The following MAF variants were observed in gnomAD, a reference collection of about 807,000 sequenced individuals.
MAF encodes the protein transcription factor Maf.
MAF carries 10 observed loss-of-function variants against 22.0 expected under a neutral mutation model. The ratio of observed to expected loss-of-function variants is 0.45; its 90% CI spans 0.28 to 0.77. The LOEUF (loss-of-function observed/expected upper bound fraction) is 0.77. Ranked by LOEUF, MAF falls within the 30% of genes least tolerant of loss-of-function variation. The probability of loss-of-function intolerance (pLI) is 0.12; values close to 1 mark genes in which losing one functional copy is unlikely to be tolerated. For synonymous variants in MAF, 337 were observed against 255.8 expected (o/e 1.32, Z -3.03); for missense variants, 544 against 548.4 (o/e 0.99, Z 0.08).
the MAF span, among the ~76,000 whole-genome samples, chr16:79,545,373 A>C: frequency 6.6e-6 from 1 of 152,156 alleles, no homozygotes; most frequent in Non-Finnish European, 1.5e-5. Flanking sequence ...CGACAATGCA[A>C]GGTTCCTTGT....
At chr16:79,502,712 T>TAAATATATATATATATAAATATAA in the MAF span, among the ~76,000 whole-genome samples, 1 of 31,124 alleles carries the variant, frequency 3.2e-5, no homozygotes, top group African/African-American at 1.4e-4. Flanking sequence ...AATATAAATA[T>TAAATATATATATATATAAATATAA]ATATATATAT....
the MAF span, among the ~76,000 whole-genome samples, chr16:79,321,048 A>T: frequency 6.6e-6 from 1 of 152,178 alleles, no homozygotes; most frequent in African/African-American, 2.4e-5. Flanking sequence ...TTGCTCACTC[A>T]CACACTTGGT....
chr16:79,207,105 G>A, the MAF span, among the ~76,000 whole-genome samples: 5 of 152,328 alleles, frequency 3.3e-5, no homozygotes, highest in South Asian at 6.2e-4. Flanking sequence ...AAGACAGGGC[G>A]TGTAGACGGC....
chr16:79,395,883 C>T, the MAF span, among the ~76,000 whole-genome samples: 22 of 152,094 alleles, frequency 1.4e-4, 1 homozygote, highest in Middle Eastern at 3.4e-3. Flanking sequence ...AGAGAACTGG[C>T]GAGACAGGCA....
chr16:79,204,000 C>T, the MAF span: 1 of 152,012 alleles, frequency 6.6e-6, no homozygotes, highest in East Asian at 1.9e-4. Flanking sequence ...TCAAGGTGGC[C>T]CAGTTGGAAA....
At chr16:79,212,110 CTTTTACTGTTATAGAATA>C in the MAF span, 14 of 1,535,676 alleles carry the variant, frequency 9.1e-6, 1 homozygote, top group South Asian at 1.7e-4. Flanking sequence ...AATTCTCTTT[CTTTTACTGTTATAGAATA>C]GCCTGAGGTC....
the MAF span, among the ~76,000 whole-genome samples, chr16:79,329,588 C>G: frequency 6.6e-6 from 1 of 152,094 alleles, no homozygotes; most frequent in Non-Finnish European, 1.5e-5. Flanking sequence ...AAGACATTAT[C>G]CAGAAATATG....
At chr16:79,333,523 G>T in the MAF span, among the ~76,000 whole-genome samples, 2 of 152,170 alleles carry the variant, frequency 1.3e-5, no homozygotes, top group Admixed American at 1.3e-4. Context: ...ACCCCAGGAG[G>T]CATTTATGTC....
chr16:79,208,514 G>A, the MAF span, among the ~76,000 whole-genome samples: 408 of 152,224 alleles, frequency 2.7e-3, 4 homozygotes, highest in African/African-American at 9.2e-3. Context: ...ATTTTATAAC[G>A]GAGTTGTTAA....
At chr16:79,448,784 C>T in the MAF span, among the ~76,000 whole-genome samples, 1 of 151,784 alleles carries the variant, frequency 6.6e-6, no homozygotes, top group Non-Finnish European at 1.5e-5. Flanking sequence ...AATGCTACTA[C>T]AGACTTTATA....
chr16:79,216,171 A>T, the MAF span, among the ~76,000 whole-genome samples: 2 of 141,710 alleles, frequency 1.4e-5, no homozygotes, highest in Non-Finnish European at 1.5e-5. Context: ...TATGTCGTGC[A>T]CGTGTATATG....
downstream of MAF, among the ~76,000 whole-genome samples, chr16:79,585,428 T>G (rs1331361152): frequency 6.6e-6 from 1 of 151,944 alleles, no homozygotes; most frequent in African/African-American, 2.4e-5. Context: ...GACTGTAAAT[T>G]TGAAATGTTT....
the MAF span, among the ~76,000 whole-genome samples, chr16:79,446,058 G>C: frequency 3.3e-5 from 5 of 151,662 alleles, no homozygotes; most frequent in African/African-American, 1.2e-4. Flanking sequence ...AGAAAAGAGA[G>C]ACAGAGACAG....
the MAF span, among the ~76,000 whole-genome samples, chr16:79,275,091 C>T: frequency 6.6e-6 from 1 of 152,218 alleles, no homozygotes; most frequent in Non-Finnish European, 1.5e-5. Flanking sequence ...TGTGGTGGCT[C>T]AGGCCTGTAA....
the MAF span, among the ~76,000 whole-genome samples, chr16:79,474,794 A>C: frequency 2.6e-5 from 4 of 152,288 alleles, no homozygotes; most frequent in South Asian, 8.3e-4. Context: ...CATGTCAGGA[A>C]ATCAAGGATA....
At chr16:79,243,377 AGGG>A in the MAF span, among the ~76,000 whole-genome samples, 10 of 152,052 alleles carry the variant, frequency 6.6e-5, no homozygotes, top group Non-Finnish European at 1.5e-4. Context: ...AAAATGAAAA[AGGG>A]GATATCGCCA....
chr16:79,431,907 G>A, the MAF span, among the ~76,000 whole-genome samples: 111,923 of 151,778 alleles, frequency 0.74, 42,278 homozygotes, highest in African/African-American at 0.87. Context: ...TCCCTCATAT[G>A]CCTATGCTGA....
Position 79,600,051 on chromosome 16 carries a change from T to A in MAF, c.-149A>T. ...GCGCGGCGGTGGCTGGCCCGAAACCTCCGAGCGCGCTCACACACACACCCC... is the reference window on the plus strand; with the variant it reads ...GCGCGGCGGTGGCTGGCCCGAAACCACCGAGCGCGCTCACACACACACCCC... On this transcript the variant is annotated 5_prime_UTR_variant, in exon 1 of 2. Coordinates refer to ENST00000326043, the MANE Select transcript of MAF (RefSeq NM_005360.5). The A allele has an allele frequency of 4.6e-6, 5 of 1,084,876 alleles. No homozygotes were observed. The highest frequency in any genetic ancestry group is 6.6e-6 in the Non-Finnish European group (5 of 761,286). The allele number at this position is 1,084,876 out of a possible 1,614,324, so 67.2% of individuals were successfully genotyped here. A position where few individuals can be genotyped will look rare whatever the true frequency, so the allele number is the denominator to read the frequency against.
At chr16:79,336,939 A>C in the MAF span, among the ~76,000 whole-genome samples, 1 of 152,212 alleles carries the variant, frequency 6.6e-6, no homozygotes, top group Non-Finnish European at 1.5e-5. Flanking sequence ...GAGAGGTTCC[A>C]CACGTTAAAG....
Sources: gnomAD v4.1 joint callset for allele counts (sites outside exome capture counted in the v4.1 genomes callset) on GRCh38, gnomAD v4.1.1 for gene constraint, MANE v1.5 for transcripts, NCBI Gene and HGNC (gene_info 2026-07-23, HGNC 2026-07-21) for gene names.